Variants in LRRC69 observed in about 807,000 individuals in gnomAD.
LRRC69 encodes leucine rich repeat containing 69, also known as leucine-rich repeat-containing protein 69.
LRRC69 carries 42 observed loss-of-function variants against 37.8 expected under a neutral mutation model. That is an observed-to-expected ratio of 1.11 (90% confidence interval 0.87 to 1.44). The LOEUF is 1.44. Ranked by LOEUF, LRRC69 falls within the 40% of genes most tolerant of loss-of-function variation. The pLI is 0.00. For synonymous variants in LRRC69, 141 were observed against 143.1 expected, an observed-to-expected ratio of 0.99 and a Z score of 0.11; for missense variants, 357 against 401.9, an observed-to-expected ratio of 0.89 and a Z score of 0.96.
chr8:91,146,001 A>G (rs1312703642), intron 5 of LRRC69, among the ~76,000 whole-genome samples: 2 of 151,826 alleles, frequency 1.3e-5, no homozygotes, highest in Non-Finnish European at 2.9e-5. Flanking sequence ...AGGGAATACA[A>G]CTATCTTTCT....
chr8:91,191,312 AT>A (rs1809492184), intron 6 of LRRC69, among the ~76,000 whole-genome samples: 1 of 152,076 alleles, frequency 6.6e-6, no homozygotes, highest in South Asian at 2.1e-4. Context: ...GTTGTATTTA[AT>A]TTTTTATTCC....
At chr8:91,202,944 A>T (rs1809735760) in intron 7 of LRRC69, among the ~76,000 whole-genome samples, 3 of 152,224 alleles carry the variant, frequency 2.0e-5, no homozygotes, top group Admixed American at 6.5e-5. Flanking sequence ...TTGAAGATGC[A>T]TCTTGGAGAA....
At chr8:91,146,549 A>G (rs1808622949) in intron 5 of LRRC69, among the ~76,000 whole-genome samples, 1 of 145,434 alleles carries the variant, frequency 6.9e-6, no homozygotes, top group African/African-American at 2.6e-5. Context: ...TCTCCCTTAC[A>G]TCTCCAAGTA....
intron 5 of LRRC69, among the ~76,000 whole-genome samples, chr8:91,155,880 T>TAC (rs1359524031): frequency 6.8e-5 from 10 of 147,634 alleles, no homozygotes; most frequent in African/African-American, 2.5e-4. Flanking sequence ...TATATATATA[T>TAC]ACACAACATA....
At chr8:91,177,603 G>A (rs1809254410) in intron 5 of LRRC69, among the ~76,000 whole-genome samples, 5 of 152,096 alleles carry the variant, frequency 3.3e-5, no homozygotes, top group Admixed American at 3.3e-4. Flanking sequence ...CTGAAACACT[G>A]CTGCACATGG....
intron 5 of LRRC69, among the ~76,000 whole-genome samples, chr8:91,139,563 C>T (rs983782294): frequency 1.3e-5 from 2 of 150,286 alleles, no homozygotes; most frequent in African/African-American, 2.4e-5. Flanking sequence ...GGCGTATGTA[C>T]AGGAGAATGG....
At chr8:91,125,923 A>G (rs1813706299) in intron 2 of LRRC69, among the ~76,000 whole-genome samples, 1 of 151,910 alleles carries the variant, frequency 6.6e-6, no homozygotes, top group Non-Finnish European at 1.5e-5. Flanking sequence ...CTCATGGAGT[A>G]CATAGTGATA....
Position 91,194,650 on chromosome 8 carries a change from A to C in LRRC69, c.753+5027A>C, listed in dbSNP as rs1408822425. On this transcript the variant is annotated intron_variant, in intron 6 of 7. Transcript: ENST00000448384. ...TTATTTGCGTAGAGGTGTTTGTAGT[A>C]TTCTCTGATGGTAGTTTGTATTTCT... 6.6e-5 allele frequency among the ~76,000 whole-genome samples: 10 copies of C among 152,156 alleles called. No homozygotes were observed. In the East Asian group the frequency reaches 1.9e-3, roughly 29 times the overall value.
intron 6 of LRRC69, among the ~76,000 whole-genome samples, chr8:91,196,468 A>T (rs970123744): frequency 6.6e-6 from 1 of 151,994 alleles, no homozygotes; most frequent in African/African-American, 2.4e-5. Flanking sequence ...TCTCCCCATC[A>T]CTTTCAGGTA....
chr8:91,204,718 T>C (rs1178837772), intron 7 of LRRC69, among the ~76,000 whole-genome samples: 1 of 152,236 alleles, frequency 6.6e-6, no homozygotes, highest in African/African-American at 2.4e-5. Flanking sequence ...TTACTAGCAT[T>C]ATTAGTTGTT....
chr8:91,112,714 G>T (rs553165533), intron 1 of LRRC69, among the ~76,000 whole-genome samples: 6 of 151,934 alleles, frequency 3.9e-5, no homozygotes, highest in Middle Eastern at 3.2e-3. Flanking sequence ...TTTCAACATA[G>T]TACTGGAAGT....
In LRRC69 at chr8:91,102,977, G is replaced by A. The variant is rs1262068292; in HGVS notation, c.183+133G>A. 4 of 856,748 alleles carry A rather than the reference G, an allele frequency of 4.7e-6. No individual in the cohort carries two copies. In the African/African-American group the frequency reaches 5.2e-5, roughly 11 times the overall value. 53.1% of individuals were successfully genotyped at this position (856,748 alleles called of 1,614,324 possible). A position where few individuals can be genotyped will look rare whatever the true frequency, so the allele number is the denominator to read the frequency against. On this transcript the variant is annotated intron_variant, in intron 1 of 7. Coordinates refer to ENST00000448384, the Ensembl canonical transcript of LRRC69. ...TAGGTATCTGGAGACTTAATGTGGA[G>A]TGTTGCTGGAGAGGCATCAGAAGGC...
intron 5 of LRRC69, among the ~76,000 whole-genome samples, chr8:91,153,133 A>G (rs946128922): frequency 6.6e-6 from 1 of 151,320 alleles, no homozygotes; most frequent in African/African-American, 2.4e-5. Flanking sequence ...AAAGGGCAGT[A>G]TATAATGGTA....
chr8:91,134,243 G>A (rs920281127), intron 4 of LRRC69, among the ~76,000 whole-genome samples: 1 of 151,450 alleles, frequency 6.6e-6, no homozygotes, highest in Non-Finnish European at 1.5e-5. Flanking sequence ...CTATCTGCAA[G>A]CTGAAGACCC....
chr8:91,179,784 A>G (rs1809293737), intron 5 of LRRC69, among the ~76,000 whole-genome samples: 1 of 152,238 alleles, frequency 6.6e-6, no homozygotes, highest in Admixed American at 6.5e-5. Flanking sequence ...AGGAGATACA[A>G]AGAATAAGAA....
intron 7 of LRRC69, among the ~76,000 whole-genome samples, chr8:91,211,626 T>TA (rs398008744): frequency 1.4e-5 from 2 of 147,808 alleles, no homozygotes; most frequent in South Asian, 2.1e-4. Context: ...ATTTTTTTTT[T>TA]ATTTTTTTTG....
At chr8:91,146,575 G>A (rs774983466) in intron 5 of LRRC69, among the ~76,000 whole-genome samples, 10 of 151,606 alleles carry the variant, frequency 6.6e-5, no homozygotes, top group South Asian at 2.1e-4. Flanking sequence ...TATGGAGTTC[G>A]GGGTTTTTGT....
chr8:91,193,459 A>G (rs2130616285), intron 6 of LRRC69, among the ~76,000 whole-genome samples: 1 of 130,772 alleles, frequency 7.6e-6, no homozygotes, highest in East Asian at 2.3e-4. Flanking sequence ...TTTTCACGAT[A>G]TTGATTCTTC....
intron 5 of LRRC69, among the ~76,000 whole-genome samples, chr8:91,182,083 T>G (rs990757728): frequency 6.6e-6 from 1 of 152,188 alleles, no homozygotes; most frequent in South Asian, 2.1e-4. Context: ...GAAGAAAGGG[T>G]TTTCTAGTAT....
Sources: allele counts gnomAD v4.1 joint callset (sites outside exome capture counted in the v4.1 genomes callset), GRCh38; gene constraint gnomAD v4.1.1; transcripts MANE v1.5; gene names NCBI Gene and HGNC (gene_info 2026-07-23, HGNC 2026-07-21).